Variants in NALF1 observed in about 807,000 individuals in gnomAD.
NALF1 encodes the protein family with sequence similarity 155 member A.
NALF1 carries 3 observed loss-of-function variants against 48.4 expected under a neutral mutation model. That is an observed-to-expected ratio of 0.06 (90% CI 0.03 to 0.16). NALF1 has a LOEUF of 0.16. NALF1 is among the 10% of genes least tolerant of loss of function. The probability of loss-of-function intolerance (pLI) is 1.00; values close to 1 mark genes in which losing one functional copy is unlikely to be tolerated. For synonymous variants in NALF1, 262 were observed against 245.7 expected (o/e 1.07, Z -0.62); for missense variants, 526 against 571.5 (o/e 0.92, Z 0.81).
chr13:107,174,885 CTTTTT>C (rs993124322), intron 2 of NALF1, among the ~76,000 whole-genome samples: 1 of 150,788 alleles, frequency 6.6e-6, no homozygotes, highest in Non-Finnish European at 1.5e-5. Context: ...TTTTCTTTTT[CTTTTT>C]CTTTTTTTTT....
intron 1 of NALF1, among the ~76,000 whole-genome samples, chr13:107,535,029 G>A (rs567987518): frequency 1.3e-5 from 2 of 152,258 alleles, no homozygotes; most frequent in South Asian, 4.1e-4. Context: ...TTTGCACATT[G>A]ATTTTGTATC....
At chr13:107,181,930 A>T (rs1879070758) in intron 2 of NALF1, among the ~76,000 whole-genome samples, 1 of 152,110 alleles carries the variant, frequency 6.6e-6, no homozygotes, top group South Asian at 2.1e-4. Context: ...GCTTTCTAGT[A>T]ATCTCTATAC....
At chr13:107,539,997 T>A (rs1297578726) in intron 1 of NALF1, among the ~76,000 whole-genome samples, 4 of 151,024 alleles carry the variant, frequency 2.6e-5, no homozygotes, top group African/African-American at 9.7e-5. Context: ...TAAAATATCA[T>A]TAAAAACAAA....
intron 1 of NALF1, among the ~76,000 whole-genome samples, chr13:107,781,826 T>C (rs544413570): frequency 6.6e-6 from 1 of 152,324 alleles, no homozygotes; most frequent in South Asian, 2.1e-4. Flanking sequence ...AATCATTATG[T>C]GGACAACTAA....
intron 1 of NALF1, among the ~76,000 whole-genome samples, chr13:107,516,662 T>C (rs1198547845): frequency 1.3e-5 from 2 of 152,114 alleles, no homozygotes; most frequent in African/African-American, 4.8e-5. Flanking sequence ...ATCTCTGCTA[T>C]AAACAGACAA....
intron 1 of NALF1, chr13:107,466,590 G>A (rs1388599979): frequency 1.4e-5 from 2 of 140,244 alleles, no homozygotes. Flanking sequence ...CTGCTTCCAG[G>A]TAGGACAACA....
intron 1 of NALF1, chr13:107,788,778 C>CT (rs1191180552): frequency 4.0e-5 from 6 of 149,554 alleles, no homozygotes; most frequent in Admixed American, 2.7e-4. Context: ...TGATTGTATC[C>CT]TTTTTTTAAA....
At chr13:107,484,698 G>A (rs1187027016) in intron 1 of NALF1, among the ~76,000 whole-genome samples, 1 of 152,102 alleles carries the variant, frequency 6.6e-6, no homozygotes, top group Non-Finnish European at 1.5e-5. Flanking sequence ...AGATAAGGAG[G>A]AATAAAATCC....
chr13:107,209,543 G>C (rs1594071227), intron 2 of NALF1, among the ~76,000 whole-genome samples: 3 of 152,110 alleles, frequency 2.0e-5, no homozygotes, highest in South Asian at 2.1e-4. Flanking sequence ...CTTAGGGCGA[G>C]CTTTGGCAGA....
chr13:107,482,260 C>A (rs1374428953), intron 1 of NALF1, among the ~76,000 whole-genome samples: 2 of 152,036 alleles, frequency 1.3e-5, no homozygotes. Context: ...GGTCTCCAGC[C>A]GTGGCCTCCC....
chr13:107,866,336 C>CCG lies in NALF1; in HGVS notation c.260_261insCG (p.Arg87SerfsTer73), dbSNP rs1555330491. The stretch of plus-strand genomic sequence containing the variant: ...GCTGCTGCTGCTGCTGCTGCCGCTG[C>CCG]CTCTGCTGCTGCTGCTGCTGCTGCT... On this transcript the variant is annotated frameshift_variant, in exon 1 of 3. Transcript: ENST00000375915. LOFTEE classifies it high-confidence loss of function. This position sits in a 1 kb window ranked among gnomAD's most constrained non-coding sequence, Gnocchi z 4.4. 9 of 1,610,284 alleles carry CCG rather than the reference C, an allele frequency of 5.6e-6. No homozygotes were observed. The highest frequency in any genetic ancestry group is 2.2e-5 in the East Asian group (1 of 44,772).
intron 1 of NALF1, among the ~76,000 whole-genome samples, chr13:107,320,708 A>G (rs1882238829): frequency 6.6e-6 from 1 of 152,110 alleles, no homozygotes; most frequent in South Asian, 2.1e-4. Flanking sequence ...CTACGACAGG[A>G]CAAACTCACT....
chr13:107,378,078 CAA>C (rs1883370117), intron 1 of NALF1, among the ~76,000 whole-genome samples: 1 of 152,148 alleles, frequency 6.6e-6, no homozygotes, highest in Admixed American at 6.5e-5. Flanking sequence ...AGATTTTAAA[CAA>C]AGTTAGAACT....
intron 1 of NALF1, among the ~76,000 whole-genome samples, chr13:107,660,950 T>TA (rs1036734906): frequency 4.6e-5 from 7 of 150,968 alleles, no homozygotes; most frequent in Admixed American, 2.6e-4. Flanking sequence ...AAAATTTGTC[T>TA]AAAAAAAAAG....
rs548678023 is a variant in NALF1 at position 107,246,406 on chromosome 13, A to G, written c.916-35651T>C. Among the ~76,000 whole-genome samples the G allele has an allele frequency of 3.5e-5, 5 of 144,764 alleles. No homozygotes were observed. The Admixed American group carries it at 3.5e-4, about 10-fold the overall frequency. The allele number at this position is 144,764 out of a possible 152,430, so 95.0% of individuals were successfully genotyped here. A position where few individuals can be genotyped will look rare whatever the true frequency, so the allele number is the denominator to read the frequency against. On this transcript the variant is annotated intron_variant, in intron 1 of 2. Transcript: ENST00000375915. ...AGACTTAGACTCCTGCTAGAGTATTATAAGCTAAAGCTAAAGCTTGAAACC... is the reference window on the plus strand; with the variant it reads ...AGACTTAGACTCCTGCTAGAGTATTGTAAGCTAAAGCTAAAGCTTGAAACC...
At chr13:107,477,424 G>T (rs888621522) in intron 1 of NALF1, among the ~76,000 whole-genome samples, 44 of 152,028 alleles carry the variant, frequency 2.9e-4, no homozygotes, top group African/African-American at 9.6e-4. Flanking sequence ...ACAAAATCAG[G>T]ACCTTGGGCC....
intron 1 of NALF1, among the ~76,000 whole-genome samples, chr13:107,257,470 C>T (rs1044201690): frequency 1.3e-5 from 2 of 148,818 alleles, no homozygotes; most frequent in African/African-American, 2.5e-5. Flanking sequence ...ACTAATGAGG[C>T]TTCAAAATTG....
At chr13:107,779,900 TA>T (rs1877836672) in intron 1 of NALF1, among the ~76,000 whole-genome samples, 1 of 152,214 alleles carries the variant, frequency 6.6e-6, no homozygotes, top group East Asian at 1.9e-4. Context: ...GTCTCTGCTG[TA>T]AATGTTAAAG....
intron 1 of NALF1, among the ~76,000 whole-genome samples, chr13:107,845,986 G>A (rs1204207082): frequency 2.6e-5 from 4 of 151,978 alleles, no homozygotes; most frequent in African/African-American, 9.7e-5. Context: ...AGAGTATACA[G>A]CAAAAAAAAT....
Sources: allele counts gnomAD v4.1 joint callset (sites outside exome capture counted in the v4.1 genomes callset), GRCh38; gene constraint gnomAD v4.1.1; non-coding constraint Gnocchi (gnomAD v3.1); transcripts MANE v1.5; gene names NCBI Gene and HGNC (gene_info 2026-07-23, HGNC 2026-07-21).